The following CHM variants were observed in gnomAD, a reference collection of about 807,000 sequenced individuals.
CHM encodes CHM Rab escort protein, also known as rab proteins geranylgeranyltransferase component A 1.
CHM carries 10 observed loss-of-function variants against 49.0 expected under a neutral mutation model. The observed-to-expected ratio is 0.20, with a 90% CI of 0.13 to 0.35. The LOEUF is 0.35. CHM is among the 10% of genes least tolerant of loss of function. CHM has a pLI of 1.00. For missense variants in CHM, 455 were observed against 478.4 expected, an observed-to-expected ratio of 0.95 and a Z score of 0.46; for synonymous variants, 184 against 167.5, an observed-to-expected ratio of 1.10 and a Z score of -0.76.
At chrX:85,956,072 T>C in intron 8 of CHM, 81 bp downstream of exon 8, 1 of 790,883 alleles carries the variant, frequency 1.3e-6, no homozygotes, top group Non-Finnish European at 1.9e-6. Context: ...CTTGAATAAA[T>C]CTCATTTTTG....
chrX:86,012,670 A>C (rs1353355279), intron 2 of CHM, among the ~76,000 whole-genome samples: 1 of 111,584 alleles, frequency 9.0e-6, no homozygotes, highest in East Asian at 2.8e-4. Context: ...CTCCTTTTTC[A>C]AACCTATACT....
chrX:86,008,616 T>C (rs1019664142), intron 2 of CHM, among the ~76,000 whole-genome samples: 1 of 111,891 alleles, frequency 8.9e-6, no homozygotes, highest in Non-Finnish European at 1.9e-5. Flanking sequence ...TAAACAGCTA[T>C]TGTACAGTTA....
chrX:86,027,471 G>A lies in CHM; in HGVS notation c.116+20C>T. 8.6e-7 allele frequency: 1 copy of A among 1,167,684 alleles called. No individual in the cohort carries two copies. Among genetic ancestry groups the A allele is most frequent in the Non-Finnish European group, 1.2e-6 (1 of 855,919 alleles). On this transcript the variant is annotated intron_variant, in intron 2 of 14. Transcript: ENST00000357749. ...TAGAGATATTTAGGAAATATTAAAT[G>A]CTATCGTTGATAAACTTACGAATCA... is the stretch of plus-strand genomic sequence containing the variant.
At chrX:85,997,416 A>G (rs1405705165) in intron 2 of CHM, among the ~76,000 whole-genome samples, 1 of 111,770 alleles carries the variant, frequency 8.9e-6, no homozygotes. Context: ...ACTGCTTTCT[A>G]ATTATATTAT....
At chrX:85,977,841 AT>A (rs1931363996) in intron 4 of CHM, among the ~76,000 whole-genome samples, 1 of 103,930 alleles carries the variant, frequency 9.6e-6, no homozygotes, top group African/African-American at 3.3e-5. Flanking sequence ...CAAACAGTAT[AT>A]TATGGGGAAA....
chrX:86,032,695 C>T (rs771611345), intron 1 of CHM, among the ~76,000 whole-genome samples: 1 of 111,876 alleles, frequency 8.9e-6, no homozygotes, highest in African/African-American at 3.2e-5. Flanking sequence ...TGCTCTGCCA[C>T]AGTATTATAA....
At chrX:85,896,845 A>G (rs1925868796) in intron 11 of CHM, among the ~76,000 whole-genome samples, 1 of 100,939 alleles carries the variant, frequency 9.9e-6, no homozygotes, top group African/African-American at 3.6e-5. Context: ...TATATTATAT[A>G]ATACGTATTA....
At chrX:86,016,147 A>T (rs764229937) in intron 2 of CHM, among the ~76,000 whole-genome samples, 2 of 109,877 alleles carry the variant, frequency 1.8e-5, no homozygotes, top group Non-Finnish European at 3.8e-5. Context: ...AATAAAAATT[A>T]AAAAAAAGGT....
intron 1 of CHM, among the ~76,000 whole-genome samples, chrX:86,043,355 T>C (rs1414880815): frequency 9.0e-6 from 1 of 110,953 alleles, no homozygotes; most frequent in Non-Finnish European, 1.9e-5. Context: ...CCTTATAATT[T>C]CCATGTTTAT....
chrX:85,958,382 C>T (rs980259075), intron 6 of CHM, among the ~76,000 whole-genome samples: 2 of 111,573 alleles, frequency 1.8e-5, no homozygotes, highest in African/African-American at 6.5e-5. Flanking sequence ...TTGGCCCCTA[C>T]AGTTTTGGTG....
intron 8 of CHM, among the ~76,000 whole-genome samples, chrX:85,945,697 G>A (rs752626095): frequency 9.1e-6 from 1 of 109,816 alleles, no homozygotes; most frequent in African/African-American, 3.3e-5. Flanking sequence ...AGAGGAATGG[G>A]GCATTGCTAT....
At chrX:85,937,841 CAA>C (rs1302686614) in intron 8 of CHM, among the ~76,000 whole-genome samples, 13 of 42,611 alleles carry the variant, frequency 3.1e-4, no homozygotes, top group Admixed American at 5.9e-4. Flanking sequence ...AAGACTGTCT[CAA>C]AAAAAAAAAA....
At chrX:85,907,116 C>T (rs866498226) in intron 9 of CHM, among the ~76,000 whole-genome samples, 14 of 111,032 alleles carry the variant, frequency 1.3e-4, no homozygotes, top group African/African-American at 4.0e-4. Context: ...GGCAACAAAG[C>T]GAGACTCTGT....
intron 2 of CHM, among the ~76,000 whole-genome samples, chrX:86,021,126 G>GTATATATATATATATATATATATA (rs3078128): frequency 1.8e-5 from 1 of 55,976 alleles, no homozygotes; most frequent in Non-Finnish European, 3.1e-5. Flanking sequence ...GTGTATATAC[G>GTATATATATATATATATATATATA]TATATATATA....
chrX:85,931,765 T>A (rs1928451290), intron 8 of CHM, among the ~76,000 whole-genome samples: 2 of 111,768 alleles, frequency 1.8e-5, no homozygotes, highest in Non-Finnish European at 1.9e-5. Flanking sequence ...TCTAGGTACA[T>A]CCCTGGGAAT....
At chrX:85,960,337 C>G (rs1049042182) in intron 5 of CHM, among the ~76,000 whole-genome samples, 8 of 111,161 alleles carry the variant, frequency 7.2e-5, no homozygotes, top group Admixed American at 1.9e-4. Flanking sequence ...ATCACAAGAA[C>G]AAAAACAAAT....
chrX:85,872,993 A>C, intron 14 of CHM, 59 bp downstream of exon 14: 1 of 1,110,827 alleles, frequency 9.0e-7, no homozygotes, highest in South Asian at 1.9e-5. Flanking sequence ...CAGAGGAAAA[A>C]ATATTTCCCA....
intron 4 of CHM, among the ~76,000 whole-genome samples, chrX:85,975,231 C>T (rs933609295): frequency 2.7e-5 from 3 of 112,173 alleles, no homozygotes; most frequent in African/African-American, 9.7e-5. Context: ...AACAGCTCTG[C>T]AGTTTCTTTT....
At chrX:85,894,397 G>T in intron 11 of CHM, 113 bp from the exon 12 acceptor site, 1 of 528,454 alleles carries the variant, frequency 1.9e-6, no homozygotes, top group Non-Finnish European at 3.2e-6. Context: ...CATCATGTCT[G>T]AAAAAAATAT....
Sources: gnomAD v4.1 joint callset for allele counts (sites outside exome capture counted in the v4.1 genomes callset) on GRCh38, gnomAD v4.1.1 for gene constraint, MANE v1.5 for transcripts, NCBI Gene and HGNC (gene_info 2026-07-23, HGNC 2026-07-21) for gene names.